NR2E3: variants seen among roughly 807,000 people sequenced by gnomAD.
NR2E3 encodes photoreceptor-specific nuclear receptor.
NR2E3 carries 38 observed loss-of-function variants against 37.6 expected under a neutral mutation model. The observed-to-expected ratio is 1.01, with a 90% CI of 0.78 to 1.33. The LOEUF (loss-of-function observed/expected upper bound fraction) is 1.33, where lower values mean the gene tolerates loss of function less well. NR2E3 is among the 40% of genes most tolerant of loss of function. NR2E3 has a pLI of 0.00. For synonymous variants in NR2E3, 235 were observed against 225.1 expected, an observed-to-expected ratio of 1.04 and a Z score of -0.39; for missense variants, 562 against 558.7, an observed-to-expected ratio of 1.01 and a Z score of -0.06.
chr15:71,812,274 C>G, intron 4 of NR2E3, 62 bp from the exon 5 acceptor site: 1 of 1,612,256 alleles, frequency 6.2e-7, no homozygotes, highest in South Asian at 1.1e-5. Context: ...CCCGGGGCTC[C>G]AAGTACTCCC....
chr15:71,814,955 AAAGG>A, intron 7 of NR2E3: 1 of 968,856 alleles, frequency 1.0e-6, no homozygotes, highest in Non-Finnish European at 1.2e-6. Context: ...AAAAATATAA[AAAGG>A]AAAGCCAGGA....
rs1303613101 is a variant in NR2E3, at chr15:71,817,671, T to A, written c.1220T>A (p.Met407Lys). Reference protein sequence around the residue: ...NTPMEKLLCDMFKN With the variant: ...NTPMEKLLCDKFKN ...CCAATGGAGAAGCTCCTTTGTGATA[T>A]GTTCAAAAACTAGTGGGGGTGGAGG... Residue 407 changes from methionine to lysine, a missense_variant, in exon 8 of 8, where the codon ATG becomes AAG. Physicochemically the swap from Met to Lys is moderately conservative, Grantham distance 95. Transcript: ENST00000617575. The A allele has an allele frequency of 6.2e-7, 1 of 1,602,040 alleles. No individual in the cohort carries two copies. The highest frequency in any genetic ancestry group is 1.7e-5 in the Admixed American group (1 of 59,850).
rs1371797291 is a variant in NR2E3, at chr15:71,814,100, C to T, written c.1083C>T (p.His361=). ...VMLSQHSKAH[H]PSQPVRFGKL... ...TGAGCCAGCACAGCAAGGCCCACCA[C>T]CCCAGCCAGCCCGTGAGGTGACCTG... The change falls in exon 7 of 8, where the codon CAC becomes CAT. Residue 361 remains histidine, a synonymous_variant. Coordinates refer to ENST00000617575, the MANE Select transcript of NR2E3 (RefSeq NM_014249.4). The T allele has an allele frequency of 1.9e-6, 3 of 1,611,258 alleles. No individual in the cohort carries two copies. The highest frequency in any genetic ancestry group is 2.7e-5 in the African/African-American group (2 of 75,040).
chr15:71,810,671 G>A lies in NR2E3; in HGVS notation c.-73G>A. ...GGGCACAGAGAGACAGAGGTTCATGGACTGAGGCAAAGGCTGGGCCAGGCT... is the reference window on the plus strand; with the variant it reads ...GGGCACAGAGAGACAGAGGTTCATGAACTGAGGCAAAGGCTGGGCCAGGCT... On this transcript the variant is annotated 5_prime_UTR_variant, in exon 1 of 8. Transcript: ENST00000617575. 6.5e-7 allele frequency: 1 copy of A among 1,545,474 alleles called. No individual in the cohort carries two copies.
At position 71,813,619 on chromosome 15, in the gene NR2E3, G is replaced by C. The variant is rs1278190677; in HGVS notation, c.978G>C (p.Leu326Phe). 1 of 1,613,728 alleles carries C rather than the reference G, an allele frequency of 6.2e-7. No individual in the cohort carries two copies. Among genetic ancestry groups the C allele is most frequent in the African/African-American group, 1.3e-5 (1 of 74,934 alleles). ...DPTEFACMKA[L>F]VLFKPETRGL... ...CGGAGTTTGCCTGCATGAAGGCCTT[G>C]GTCCTCTTCAAGCCAGGTAACTGAG... The change falls in exon 6 of 8, where the codon TTG becomes TTC. Residue 326 changes from leucine to phenylalanine, a missense_variant. By Grantham distance (22) the Leu-to-Phe change is conservative. Transcript: ENST00000617575. This position sits in a 1 kb window ranked among gnomAD's most constrained non-coding sequence, Gnocchi z 4.7.
Position 71,811,983 on chromosome 15 carries a change from C to A in NR2E3, c.378C>A (p.Ser126Arg). ...TGCAGAACGAGCGCCAGCCGCGAAG[C>A]ACAGCCCAGGTCCACCTGGACAGCA... Reference protein sequence around the residue: ...DAVQNERQPRSTAQVHLDSME... With the variant: ...DAVQNERQPRRTAQVHLDSME... The change falls in exon 4 of 8, where the codon AGC becomes AGA. Residue 126 changes from serine to arginine, a missense_variant. Coordinates refer to ENST00000617575, the MANE Select transcript of NR2E3 (RefSeq NM_014249.4). The surrounding 1 kb of genome is among the most constrained non-coding windows in gnomAD (Gnocchi z 5.6). The A allele has an allele frequency of 6.4e-7, 1 of 1,553,532 alleles. No individual in the cohort carries two copies. The highest frequency in any genetic ancestry group is 8.7e-7 in the Non-Finnish European group (1 of 1,148,552).
rs982759338 is a variant in NR2E3, at chr15:71,817,852, C to T, written c.*168C>T. The T allele has an allele frequency of 2.0e-6, 1 of 507,162 alleles. No homozygotes were observed. The allele number at this position is 507,162 out of a possible 1,614,324, so 31.4% of individuals were successfully genotyped here. A position where few individuals can be genotyped will look rare whatever the true frequency, so the allele number is the denominator to read the frequency against. On this transcript the variant is annotated 3_prime_UTR_variant, in exon 8 of 8. Transcript: ENST00000617575. ...CATAGCAGCTTTATTCATAATAGCC[C>T]CAAACTGTATATTGATGGTAGGATG...
chr15:71,817,368 G>A, intron 7 of NR2E3, 184 bp from the exon 8 acceptor site: 1 of 611,698 alleles, frequency 1.6e-6, no homozygotes. Context: ...AAAGTGCTGG[G>A]ATTACGGGCG....
chr15:71,816,588 A>G (rs182720212), intron 7 of NR2E3, among the ~76,000 whole-genome samples: 6 of 144,352 alleles, frequency 4.2e-5, no homozygotes, highest in Admixed American at 4.1e-4. Context: ...AAAACAATAA[A>G]TATTTTTTTC....
intron 7 of NR2E3, 21 bp from the exon 8 acceptor site, chr15:71,817,531 G>T: frequency 6.4e-7 from 1 of 1,571,444 alleles, no homozygotes; most frequent in Non-Finnish European, 8.7e-7. Context: ...TAAAACTGAT[G>T]GCGTCCTCTC....
Position 71,813,688 on chromosome 15 carries a change from G to C in NR2E3, c.994+53G>C. ...GTGGGAATTCTGGTGACTTCCATCT[G>C]CCTCTCACTCTCCCTCCACTACCCC... On this transcript the variant is annotated intron_variant, in intron 6 of 7. Coordinates refer to ENST00000617575, the MANE Select transcript of NR2E3 (RefSeq NM_014249.4). The surrounding 1 kb of genome is among the most constrained non-coding windows in gnomAD (Gnocchi z 4.7). 1 of 1,606,714 alleles carries C rather than the reference G, an allele frequency of 6.2e-7. No homozygotes were observed. The highest frequency in any genetic ancestry group is 1.1e-5 in the South Asian group (1 of 90,954).
intron 7 of NR2E3, 22 bp downstream of exon 7, chr15:71,814,139 C>G (rs955355374): frequency 1.2e-5 from 20 of 1,602,946 alleles, no homozygotes; most frequent in Non-Finnish European, 1.7e-5. Context: ...ATGCGCCCAC[C>G]CACTCATCTG....
chr15:71,814,425 A>C, intron 7 of NR2E3: 1 of 1,138,156 alleles, frequency 8.8e-7, no homozygotes, highest in East Asian at 4.9e-5. Flanking sequence ...TGCATGGGAA[A>C]CATAAAGCAG....
chr15:71,813,901 C>G lies in NR2E3; in HGVS notation c.995-111C>G. ...CCTCTGGGCCTGGCAGAGCCCACCC[C>G]ACAGGGCCCCAGGTCCATGTCTGCA... On this transcript the variant is annotated intron_variant, in intron 6 of 7. Coordinates refer to ENST00000617575, the MANE Select transcript of NR2E3 (RefSeq NM_014249.4). This position sits in a 1 kb window ranked among gnomAD's most constrained non-coding sequence, Gnocchi z 4.7. 6.5e-7 allele frequency: 1 copy of G among 1,537,240 alleles called. No homozygotes were observed. The highest frequency in any genetic ancestry group is 8.7e-7 in the Non-Finnish European group (1 of 1,145,040).
chr15:71,814,435 G>A (rs2054212284), intron 7 of NR2E3: 1 of 1,115,436 alleles, frequency 9.0e-7, no homozygotes, highest in South Asian at 3.8e-5. Flanking sequence ...ACATAAAGCA[G>A]AATTGGGAGG....
chr15:71,810,807 G>A lies in NR2E3; in HGVS notation c.64G>A (p.Ala22Thr), dbSNP rs1426117947. ...TVAAAAPAAG[A>T]ASRKESPGRW... ...GGCTGCAGCTGCGCCTGCAGCTGGG[G>A]CTGCCTCCAGGAAGGAGTCTCCAGG... The change falls in exon 1 of 8, where the codon GCT (alanine) becomes ACT (threonine). Residue 22 changes from alanine (A) to threonine (T), a missense_variant. Transcript: ENST00000617575. 5.7e-6 allele frequency: 9 copies of A among 1,574,436 alleles called. No individual in the cohort carries two copies. Among genetic ancestry groups the A allele is most frequent in the South Asian group, 1.2e-5 (1 of 85,550 alleles).
chr15:71,815,173 A>T, intron 7 of NR2E3, among the ~76,000 whole-genome samples: 1 of 152,188 alleles, frequency 6.6e-6, no homozygotes, highest in East Asian at 1.9e-4. Context: ...ATGGAGCCTC[A>T]GCAAGGTTGG....
chr15:71,811,717 C>G lies in NR2E3; in HGVS notation c.246-49C>G, dbSNP rs750194581. On this transcript the variant is annotated intron_variant, in intron 2 of 7. Transcript: ENST00000617575. The surrounding 1 kb of genome is among the most constrained non-coding windows in gnomAD (Gnocchi z 5.6). ...GGCAAAAATGTCCAAGCCCATGGCT[C>G]AGGGCATGGGAGGGACACTGACCCC... The G allele has an allele frequency of 2.6e-6, 4 of 1,544,516 alleles. No individual in the cohort carries two copies. In the East Asian group the frequency reaches 7.3e-5, roughly 28 times the overall value.
chr15:71,817,501 T>G, intron 7 of NR2E3, 51 bp from the exon 8 acceptor site: 1 of 1,548,172 alleles, frequency 6.5e-7, no homozygotes, highest in Non-Finnish European at 8.8e-7. Context: ...CCCCAGGGAC[T>G]AGTGCTCAGA....
Sources: allele counts gnomAD v4.1 joint callset (sites outside exome capture counted in the v4.1 genomes callset), GRCh38; gene constraint gnomAD v4.1.1; non-coding constraint Gnocchi (gnomAD v3.1); transcripts MANE v1.5; gene names NCBI Gene and HGNC (gene_info 2026-07-23, HGNC 2026-07-21).